The following PLAC1 variants were observed in gnomAD, a reference collection of about 807,000 sequenced individuals.
The protein encoded by PLAC1 is placenta-specific protein 1.
For synonymous variants in PLAC1, 68 were observed against 62.1 expected (o/e 1.09, Z -0.44); for missense variants, 136 against 163.2 (o/e 0.83, Z 0.91).
At chrX:134,592,776 T>G (rs1247472691) in intron 2 of PLAC1, among the ~76,000 whole-genome samples, 8 of 97,120 alleles carry the variant, frequency 8.2e-5, no homozygotes, top group African/African-American at 2.0e-4. Context: ...CAGGCTGGAG[T>G]GCAGTGACGC....
At chrX:134,670,318 C>A (rs1277007337) in intron 2 of PLAC1, among the ~76,000 whole-genome samples, 1 of 111,451 alleles carries the variant, frequency 9.0e-6, no homozygotes. Context: ...CTGAGGAATG[C>A]CTCCCAAGCC....
intron 1 of PLAC1, among the ~76,000 whole-genome samples, chrX:134,738,766 G>C (rs1028976122): frequency 1.8e-5 from 2 of 112,468 alleles, no homozygotes; most frequent in African/African-American, 6.5e-5. Context: ...GTGGGATTTA[G>C]AACTCTTCAT....
At chrX:134,568,241 C>T (rs3003875) in intron 2 of PLAC1, among the ~76,000 whole-genome samples, 11,362 of 112,471 alleles carry the variant, frequency 0.1, 757 homozygotes, top group African/African-American at 0.24. Flanking sequence ...ATAAGTAACC[C>T]CTGCACAAAT....
At chrX:134,574,639 ACT>A (rs1451658375) in intron 2 of PLAC1, among the ~76,000 whole-genome samples, 1 of 111,182 alleles carries the variant, frequency 9.0e-6, no homozygotes, top group Non-Finnish European at 1.9e-5. Context: ...TGCAGCCAGC[ACT>A]CTTTGTACCC....
At chrX:134,708,305 G>GT (rs1188854183) in intron 2 of PLAC1, among the ~76,000 whole-genome samples, 1 of 111,549 alleles carries the variant, frequency 9.0e-6, no homozygotes, top group Admixed American at 9.6e-5. Context: ...ATAGAAAGGA[G>GT]TAACTATTGA....
intron 1 of PLAC1, among the ~76,000 whole-genome samples, chrX:134,609,702 T>G (rs983927976): frequency 2.7e-5 from 3 of 111,652 alleles, no homozygotes; most frequent in African/African-American, 9.8e-5. Context: ...GTGAAGGCCC[T>G]CTTCCTGCCT....
At chrX:134,638,409 G>A (rs750867000) in intron 1 of PLAC1, among the ~76,000 whole-genome samples, 2 of 112,619 alleles carry the variant, frequency 1.8e-5, no homozygotes, top group East Asian at 5.5e-4. Flanking sequence ...TTGTTGAGGT[G>A]TTGACTATTA....
chrX:134,669,205 C>T (rs766167600), intron 2 of PLAC1, among the ~76,000 whole-genome samples: 14 of 111,924 alleles, frequency 1.3e-4, no homozygotes, highest in Non-Finnish European at 2.1e-4. Flanking sequence ...TAAGTCCGCC[C>T]ACATCTCTGG....
At chrX:134,615,236 A>G (rs2078173850) in intron 1 of PLAC1, among the ~76,000 whole-genome samples, 1 of 111,781 alleles carries the variant, frequency 8.9e-6, no homozygotes. Flanking sequence ...CTTTGCCAAC[A>G]CTTGTTATCT....
chrX:134,586,523 A>G (rs1029605409), intron 2 of PLAC1, among the ~76,000 whole-genome samples: 1 of 111,055 alleles, frequency 9.0e-6, no homozygotes, highest in Non-Finnish European at 1.9e-5. Flanking sequence ...CCACCTTTGG[A>G]TTAGGCCGTG....
intron 2 of PLAC1, among the ~76,000 whole-genome samples, chrX:134,664,803 A>G (rs1270617040): frequency 8.9e-6 from 1 of 111,977 alleles, no homozygotes; most frequent in African/African-American, 3.2e-5. Context: ...CCAGAGCAGG[A>G]CCATAGAGAA....
chrX:134,731,402 T>A (rs948768776), intron 2 of PLAC1, among the ~76,000 whole-genome samples: 1 of 112,606 alleles, frequency 8.9e-6, no homozygotes, highest in African/African-American at 3.2e-5. Context: ...ATTCCCAAAT[T>A]CATGTTTTTG....
Position 134,566,491 on chromosome X carries a change from G to T in PLAC1, c.192C>A (p.Asn64Lys). The T allele has an allele frequency of 8.3e-7, 1 of 1,211,854 alleles. No individual in the cohort carries two copies. Among genetic ancestry groups the T allele is most frequent in the Non-Finnish European group, 1.1e-6 (1 of 895,344 alleles). The change falls in exon 3 of 3, where the codon AAC becomes AAA. Residue 64 changes from asparagine to lysine, a missense_variant. By Grantham distance (94) the Asn-to-Lys change is moderately conservative. Coordinates refer to ENST00000359237, the MANE Select transcript of PLAC1 (RefSeq NM_021796.4). ...ELHLGLGCPP[N>K]HVQPHAYQFT... Reference sequence around the variant, plus strand: ...ACTGGTAGGCGTGTGGCTGAACATGGTTTGGGGGGCAACCCAGGCCCAAGT... The same window carrying T: ...ACTGGTAGGCGTGTGGCTGAACATGTTTTGGGGGGCAACCCAGGCCCAAGT...
intron 2 of PLAC1, among the ~76,000 whole-genome samples, chrX:134,725,370 G>C (rs1341128048): frequency 1.8e-5 from 2 of 110,949 alleles, no homozygotes; most frequent in Non-Finnish European, 3.8e-5. Context: ...GGAGAGCTAG[G>C]CTTCCAACCT....
intron 2 of PLAC1, among the ~76,000 whole-genome samples, chrX:134,600,128 C>A (rs190416645): frequency 2.4e-4 from 26 of 110,594 alleles, no homozygotes; most frequent in African/African-American, 8.6e-4. Context: ...TGGGCTCAAG[C>A]GATCTTCCTG....
rs776191229 is a variant in PLAC1, at chrX:134,677,348, AG to A, written n.174+56086del. Among the ~76,000 whole-genome samples the A allele has an allele frequency of 2.7e-5, 3 of 112,577 alleles. 1 individual carries two copies. The South Asian group carries it at 1.1e-3, about 42-fold the overall frequency. The stretch of plus-strand genomic sequence containing the variant: ...GCTTACCTTCTAGTAAGAAAAGACA[AG>A]TAGTAAATAAGCCACCATATAAACA... On this transcript the variant is annotated intron_variant and non_coding_transcript_variant, in intron 2 of 2. Transcript: ENST00000466797.
At chrX:134,621,461 A>G (rs901834173) in intron 1 of PLAC1, among the ~76,000 whole-genome samples, 1 of 107,892 alleles carries the variant, frequency 9.3e-6, no homozygotes, top group African/African-American at 3.4e-5. Flanking sequence ...AAAAAAAAAA[A>G]AAAAAAAAAA....
In PLAC1 at chrX:134,703,477, G is replaced by T. The variant is rs567343846; in HGVS notation, n.174+29958C>A. Among the ~76,000 whole-genome samples the T allele has an allele frequency of 2.7e-5, 3 of 111,274 alleles. No homozygotes were observed. In the Admixed American group the frequency reaches 2.9e-4, roughly 11 times the overall value. On this transcript the variant is annotated intron_variant and non_coding_transcript_variant, in intron 2 of 2. Coordinates refer to the PLAC1 transcript ENST00000466797. ...ATTCACAACTGAGGGTCATTAAAAT[G>T]AGATCTTTTAAACAAAGACTATGAG...
At chrX:134,629,246 C>T (rs952192266) in intron 1 of PLAC1, among the ~76,000 whole-genome samples, 1 of 111,862 alleles carries the variant, frequency 8.9e-6, no homozygotes, top group African/African-American at 3.2e-5. Flanking sequence ...CAAATGCTGA[C>T]TGGTTGATTA....
Sources: allele counts gnomAD v4.1 joint callset (sites outside exome capture counted in the v4.1 genomes callset), GRCh38; gene constraint gnomAD v4.1.1; transcripts MANE v1.5; gene names NCBI Gene and HGNC (gene_info 2026-07-23, HGNC 2026-07-21).